Variants in FKBP10 observed in about 807,000 individuals in gnomAD.
The protein encoded by FKBP10 is FKBP prolyl isomerase 10.
A neutral mutation model predicts 53.7 loss-of-function variants in FKBP10; 34 were observed. The observed-to-expected ratio is 0.63, with a 90% confidence interval of 0.48 to 0.84. FKBP10 has a LOEUF of 0.84. Ranked by LOEUF, FKBP10 falls within the 40% of genes least tolerant of loss-of-function variation. The pLI is 0.00. For missense variants in FKBP10, 748 were observed against 797.8 expected (o/e 0.94, Z 0.75); for synonymous variants, 324 against 335.7 (o/e 0.97, Z 0.38).
At position 41,819,567 on chromosome 17, in the gene FKBP10, C is replaced by T; in HGVS notation, c.955C>T (p.Gln319Ter). Residue 319 changes from glutamine to a stop codon, truncating the protein, a stop_gained, in exon 6 of 10, where the codon CAG becomes TAG. Coordinates refer to ENST00000321562, the MANE Select transcript of FKBP10 (RefSeq NM_021939.4). LOFTEE classifies it high-confidence loss of function. ...CCACACCTACAATACCTATATCGGG[C>T]AGGGTTACATCATCCCCGGGATGGA... ...RNHTYNTYIG[Q>*]GYIIPGMDQG... The T allele has an allele frequency of 6.2e-7, 1 of 1,614,082 alleles. No individual in the cohort carries two copies. The highest frequency in any genetic ancestry group is 1.3e-5 in the African/African-American group (1 of 75,050).
intron 7 of FKBP10, 171 bp downstream of exon 7, chr17:41,820,632 T>A: frequency 1.5e-5 from 11 of 733,598 alleles, no homozygotes; most frequent in Non-Finnish European, 2.5e-5. Flanking sequence ...GTCGAGGAGA[T>A]GAAATTCTCT....
At chr17:41,819,743 C>G (rs2047866451) in intron 6 of FKBP10, 68 bp downstream of exon 6, 3 of 1,555,628 alleles carry the variant, frequency 1.9e-6, no homozygotes, top group African/African-American at 1.4e-5. Flanking sequence ...AGGCCACCCC[C>G]TCCCACAGTG....
rs782442221 is a variant in FKBP10, at chr17:41,818,196, T to C, written c.499T>C (p.Cys167Arg). 9 of 1,613,634 alleles carry C rather than the reference T, an allele frequency of 5.6e-6. No homozygotes were observed. Among genetic ancestry groups the C allele is most frequent in the Non-Finnish European group, 6.8e-6 (8 of 1,179,992 alleles). Residue 167 changes from cysteine (C) to arginine (R), a missense_variant, in exon 3 of 10, where the codon TGC (cysteine) becomes CGC (arginine). Physicochemically the swap from Cys to Arg is radical, Grantham distance 180. Transcript: ENST00000321562. ...GAGCACATTGCTGCGCCCGCCCCAC[T>C]GCCCCCGCATGGTCCAGGACGGCGA... ...QVSTLLRPPH[C>R]PRMVQDGDFV...
chr17:41,821,799 C>G lies in FKBP10; in HGVS notation c.1545C>G (p.Gly515=). The G allele has an allele frequency of 6.2e-7, 1 of 1,614,136 alleles. No individual in the cohort carries two copies. Among genetic ancestry groups the G allele is most frequent in the Non-Finnish European group, 8.5e-7 (1 of 1,180,002 alleles). Reference sequence around the variant, plus strand: ...AAGACATGGACCTCAACAAGGATGGCGAGGTCCCTCCGGAGGAGGTGGGTG... The same window carrying G: ...AAGACATGGACCTCAACAAGGATGGGGAGGTCCCTCCGGAGGAGGTGGGTG... ...LFEDMDLNKD[G]EVPPEEFSTF... Residue 515 remains glycine (G), a synonymous_variant, in exon 9 of 10, where the codon GGC becomes GGG. Transcript: ENST00000321562.
rs1555616549 is a variant in FKBP10 at position 41,819,199 on chromosome 17, C to A, written c.728-11C>A. The A allele has an allele frequency of 6.2e-7, 1 of 1,614,020 alleles. No homozygotes were observed. Among genetic ancestry groups the A allele is most frequent in the Non-Finnish European group, 8.5e-7 (1 of 1,179,972 alleles). On this transcript the variant is annotated splice_polypyrimidine_tract_variant and intron_variant, in intron 4 of 9. Transcript: ENST00000321562. ...CCCAATTTTATGGTTCAAGCCCTAT[C>A]CCTTCCCCAGGGACAGTGATCCCCC...
At position 41,820,441 on chromosome 17, in the gene FKBP10, C is replaced by T. The variant is rs372633492; in HGVS notation, c.1236C>T (p.Asp412=). Residue 412 remains aspartate (D), a synonymous_variant, in exon 7 of 10, where the codon GAC becomes GAT. Transcript: ENST00000321562. ...ACCATTACAACTGTTCTTTGCTGGA[C>T]GGCACCCAGCTGTTCACCTCGTGGG... is the stretch of plus-strand genomic sequence containing the variant. The part of the protein sequence containing the change: ...VRYHYNCSLL[D]GTQLFTSHDY... 7.2e-5 allele frequency: 116 copies of T among 1,611,984 alleles called. No homozygotes were observed. The highest frequency in any genetic ancestry group is 9.2e-5 in the Non-Finnish European group (108 of 1,179,390).
At chr17:41,816,616 A>G (rs1555616102) in intron 1 of FKBP10, among the ~76,000 whole-genome samples, 2 of 152,194 alleles carry the variant, frequency 1.3e-5, no homozygotes. Context: ...CATTGCTCTC[A>G]TTAAGAAAAA....
chr17:41,819,912 G>C, intron 6 of FKBP10: 1 of 1,541,118 alleles, frequency 6.5e-7, no homozygotes, highest in Non-Finnish European at 8.8e-7. Flanking sequence ...GCCAAGTTTG[G>C]GGAGGGAGGG....
Position 41,821,160 on chromosome 17 carries a change from T to C in FKBP10, c.1399+71T>C. ...TTTTTTGAGATGGAGTCTGACTCTGTCACCCAGGCTGGAGTGCAGTGGTGT... is the reference window on the plus strand; with the variant it reads ...TTTTTTGAGATGGAGTCTGACTCTGCCACCCAGGCTGGAGTGCAGTGGTGT... On this transcript the variant is annotated intron_variant, in intron 8 of 9. Coordinates refer to ENST00000321562, the MANE Select transcript of FKBP10 (RefSeq NM_021939.4). The C allele has an allele frequency of 2.1e-6, 3 of 1,447,018 alleles. No individual in the cohort carries two copies. The South Asian group carries it at 3.8e-5, about 18-fold the overall frequency. 89.6% of individuals were successfully genotyped at this position (1,447,018 alleles called of 1,614,324 possible).
intron 9 of FKBP10, 122 bp from the exon 10 acceptor site, chr17:41,822,101 G>A (rs1175781907): frequency 2.9e-6 from 3 of 1,043,672 alleles, no homozygotes; most frequent in South Asian, 1.4e-5. Context: ...GAGTTACAGG[G>A]TGCGGGGGAG....
intron 1 of FKBP10, among the ~76,000 whole-genome samples, chr17:41,816,434 G>C (rs2047817545): frequency 6.6e-6 from 1 of 151,798 alleles, no homozygotes; most frequent in Non-Finnish European, 1.5e-5. Flanking sequence ...GTTTCACTGT[G>C]TTAGCCAGGA....
At chr17:41,821,181 GGT>G in intron 8 of FKBP10, 92 bp downstream of exon 8, 1 of 1,428,426 alleles carries the variant, frequency 7.0e-7, no homozygotes, top group Non-Finnish European at 9.3e-7. Context: ...GGAGTGCAGT[GGT>G]GTGCTCTCAG....
intron 1 of FKBP10, among the ~76,000 whole-genome samples, chr17:41,816,676 G>A (rs1288037841): frequency 2.0e-5 from 3 of 152,192 alleles, no homozygotes; most frequent in Non-Finnish European, 2.9e-5. Context: ...GATACGGAAT[G>A]TAAAATGCCA....
rs1427029146 is a variant in FKBP10 at position 41,818,436 on chromosome 17, G to A, written c.636G>A (p.Lys212=). The A allele has an allele frequency of 6.2e-7, 1 of 1,614,212 alleles. No individual in the cohort carries two copies. The highest frequency in any genetic ancestry group is 1.7e-5 in the Admixed American group (1 of 60,028). ...ACGTCGGCTCTGGTTGGCTGATCAA[G>A]GGCATGGACCAGGGGCTGCTGGGCA... The part of the protein sequence containing the change: ...DTYVGSGWLI[K]GMDQGLLGMC... Residue 212 remains lysine, a synonymous_variant, in exon 4 of 10, where the codon AAG becomes AAA. Transcript: ENST00000321562.
intron 9 of FKBP10, 40 bp from the exon 10 acceptor site, chr17:41,822,183 G>T: frequency 1.3e-6 from 2 of 1,590,530 alleles, no homozygotes; most frequent in South Asian, 2.3e-5. Context: ...CCAAGGCCAT[G>T]ACCCTCACTG....
intron 9 of FKBP10, 110 bp downstream of exon 9, chr17:41,821,927 TGCCTGCGCTGAGTCCCAC>T: frequency 7.3e-7 from 1 of 1,365,052 alleles, no homozygotes; most frequent in Non-Finnish European, 1.0e-6. Flanking sequence ...CTGGTGCTCC[TGCCTGCGCTGAGTCCCAC>T]GCCTCAGGCT....
rs2047885191 is a variant in FKBP10 at position 41,821,057 on chromosome 17, T to C, written c.1367T>C (p.Val456Ala). The C allele has an allele frequency of 1.2e-5, 19 of 1,552,690 alleles. No individual in the cohort carries two copies. The highest frequency in any genetic ancestry group is 1.7e-5 in the Non-Finnish European group (19 of 1,146,006). ...GTGGGAGAGAGGCGGCAGCTCATCG[T>C]GCCCCCGCACCTGGCCCACGGGGAG... ...MCVGERRQLI[V>A]PPHLAHGESG... is the part of the protein sequence containing the mutation. The change falls in exon 8 of 10, where the codon GTG (valine) becomes GCG (alanine). Residue 456 changes from valine (V) to alanine (A), a missense_variant. Val to Ala is a moderately conservative substitution (Grantham distance 64). Transcript: ENST00000321562.
intron 1 of FKBP10, 61 bp from the exon 2 acceptor site, chr17:41,816,997 C>G (rs2047824037): frequency 6.2e-7 from 1 of 1,611,578 alleles, no homozygotes; most frequent in Non-Finnish European, 8.5e-7. Context: ...GCATCTGTGC[C>G]ACCATGGGCA....
intron 8 of FKBP10, among the ~76,000 whole-genome samples, 189 bp downstream of exon 8, chr17:41,821,278 G>A (rs1375185897): frequency 2.6e-5 from 4 of 151,734 alleles, no homozygotes; most frequent in Non-Finnish European, 4.4e-5. Context: ...ACCTGCCACC[G>A]TGCCCAGCTA....
Sources: allele counts gnomAD v4.1 joint callset (sites outside exome capture counted in the v4.1 genomes callset), GRCh38; gene constraint gnomAD v4.1.1; transcripts MANE v1.5; gene names NCBI Gene and HGNC (gene_info 2026-07-23, HGNC 2026-07-21).